SGCD: variants seen among roughly 807,000 people sequenced by gnomAD.
SGCD encodes delta-sarcoglycan.
SGCD carries 18 observed loss-of-function variants against 36.6 expected under a neutral mutation model. The ratio of observed to expected loss-of-function variants is 0.49; its 90% CI spans 0.34 to 0.73. The LOEUF is 0.73. SGCD is among the 30% of genes least tolerant of loss of function. SGCD has a pLI of 0.01. For missense variants in SGCD, 387 were observed against 346.7 expected, an observed-to-expected ratio of 1.12 and a Z score of -0.92; for synonymous variants, 133 against 130.6, an observed-to-expected ratio of 1.02 and a Z score of -0.12.
rs533408287 is a variant in SGCD, at chr5:156,130,564, A to G, written c.-44+6545A>G. ...TGTCTTTGTCATGAAATCTTTGCCC[A>G]TTCCTATGTCCAGAATGGTATTGCC... is the stretch of plus-strand genomic sequence containing the variant. On this transcript the variant is annotated intron_variant, in intron 3 of 9. Coordinates refer to the SGCD transcript ENST00000517913. 4.6e-5 allele frequency among the ~76,000 whole-genome samples: 7 copies of G among 152,242 alleles called. No homozygotes were observed. In the East Asian group the frequency reaches 1.4e-3, roughly 29 times the overall value.
chr5:155,766,692 A>G, the SGCD span, among the ~76,000 whole-genome samples: 31 of 152,302 alleles, frequency 2.0e-4, no homozygotes, highest in Admixed American at 2.0e-3. Flanking sequence ...GAAGATGGCA[A>G]TTGAAGCATT....
chr5:156,230,547 G>C (rs1241302683), intron 3 of SGCD, among the ~76,000 whole-genome samples: 1 of 152,174 alleles, frequency 6.6e-6, no homozygotes, highest in Non-Finnish European at 1.5e-5. Flanking sequence ...TCTCTCAGCT[G>C]TGGATACCAG....
At chr5:156,504,198 G>GC (rs984095211) in intron 3 of SGCD, among the ~76,000 whole-genome samples, 1 of 146,610 alleles carries the variant, frequency 6.8e-6, no homozygotes, top group African/African-American at 2.5e-5. Context: ...GAGCAAAAAA[G>GC]CTCTGTCTCA....
At chr5:156,423,344 ATT>A (rs1198886563) in intron 3 of SGCD, among the ~76,000 whole-genome samples, 2 of 53,554 alleles carry the variant, frequency 3.7e-5, no homozygotes, top group Non-Finnish European at 6.7e-5. Context: ...AATATAATAT[ATT>A]ATAATTTTAT....
At position 156,051,496 on chromosome 5, in the gene SGCD, T is replaced by C. The variant is rs562303581; in HGVS notation, c.-281-66382T>C. Among the ~76,000 whole-genome samples the C allele has an allele frequency of 5.5e-5, 8 of 146,360 alleles. No homozygotes were observed. In the South Asian group the frequency reaches 1.3e-3, roughly 24 times the overall value. On this transcript the variant is annotated intron_variant, in intron 1 of 9. Transcript: ENST00000517913. ...ATATAATATACCCAGTGTTCCAACTTTGAATGCTTCCAAATCTTTATGCAA... is the reference window on the plus strand; with the variant it reads ...ATATAATATACCCAGTGTTCCAACTCTGAATGCTTCCAAATCTTTATGCAA...
chr5:155,895,658 A>G (rs954059671), intron 1 of SGCD, among the ~76,000 whole-genome samples: 1 of 150,856 alleles, frequency 6.6e-6, no homozygotes, highest in Non-Finnish European at 1.5e-5. Flanking sequence ...TTTGAAGTAT[A>G]ATGACTGTAT....
At chr5:156,252,413 G>T (rs1418530029) in intron 3 of SGCD, among the ~76,000 whole-genome samples, 1 of 152,126 alleles carries the variant, frequency 6.6e-6, no homozygotes, top group Admixed American at 6.5e-5. Context: ...TGAATATGTG[G>T]AATGGAAGTA....
At chr5:155,730,103 C>T in the SGCD span, among the ~76,000 whole-genome samples, 3 of 152,048 alleles carry the variant, frequency 2.0e-5, no homozygotes, top group Admixed American at 2.0e-4. Context: ...GGAGACAAGT[C>T]GAGTTTAAGA....
chr5:155,908,172 T>G (rs1756561724), intron 1 of SGCD, among the ~76,000 whole-genome samples: 1 of 152,144 alleles, frequency 6.6e-6, no homozygotes, highest in Non-Finnish European at 1.5e-5. Flanking sequence ...ATGTCCTTAG[T>G]AGACAACAGA....
chr5:156,335,539 G>A (rs1353125286), intron 2 of SGCD, among the ~76,000 whole-genome samples: 7 of 152,102 alleles, frequency 4.6e-5, no homozygotes, highest in Non-Finnish European at 1.5e-5. Context: ...TGCCATCATA[G>A]TGTTCTTGTT....
intron 4 of SGCD, among the ~76,000 whole-genome samples, chr5:156,576,374 G>A (rs937816372): frequency 6.6e-5 from 10 of 152,174 alleles, no homozygotes; most frequent in East Asian, 5.8e-4. Flanking sequence ...GAATAGTGCC[G>A]CAATAAACAT....
At chr5:156,607,550 G>T (rs1761531156) in intron 6 of SGCD, among the ~76,000 whole-genome samples, 1 of 152,238 alleles carries the variant, frequency 6.6e-6, no homozygotes, top group Non-Finnish European at 1.5e-5. Context: ...TCAGGATGAT[G>T]CTGGACTCAT....
intron 3 of SGCD, among the ~76,000 whole-genome samples, chr5:156,345,393 A>G (rs1768893137): frequency 3.3e-5 from 5 of 152,366 alleles, no homozygotes; most frequent in Middle Eastern, 3.4e-3. Context: ...GAGGTTTTAT[A>G]CCTAGAAATT....
chr5:155,855,054 G>A, the SGCD span, among the ~76,000 whole-genome samples: 5 of 152,030 alleles, frequency 3.3e-5, no homozygotes, highest in South Asian at 2.1e-4. Context: ...CACCACTTTC[G>A]GTTCTTCTCT....
In SGCD at chr5:156,181,212, C is replaced by T. The variant is rs1487957480; in HGVS notation, c.-44+57193C>T. Among the ~76,000 whole-genome samples, 3 of 151,942 alleles carry T rather than the reference C, an allele frequency of 2.0e-5. No homozygotes were observed. In the East Asian group the frequency reaches 5.8e-4, roughly 29 times the overall value. ...TTTTGGAGAATTGTTTTCTGCACCCCAAAAATAGCATCAGAAAACATCTAA... is the reference window on the plus strand; with the variant it reads ...TTTTGGAGAATTGTTTTCTGCACCCTAAAAATAGCATCAGAAAACATCTAA... On this transcript the variant is annotated intron_variant, in intron 3 of 9. Transcript: ENST00000517913.
intron 3 of SGCD, among the ~76,000 whole-genome samples, chr5:156,218,543 C>A (rs1764635168): frequency 6.6e-6 from 1 of 152,302 alleles, no homozygotes; most frequent in Middle Eastern, 3.4e-3. Flanking sequence ...CTTCAGTTAC[C>A]TAACCTGGAA....
intron 1 of SGCD, among the ~76,000 whole-genome samples, chr5:156,040,829 A>G (rs1759615585): frequency 1.3e-5 from 2 of 152,038 alleles, no homozygotes; most frequent in South Asian, 4.2e-4. Context: ...AAAATCCTCT[A>G]CTGAATCTAG....
At chr5:156,257,031 T>A (rs970756076) in intron 3 of SGCD, among the ~76,000 whole-genome samples, 1 of 151,988 alleles carries the variant, frequency 6.6e-6, no homozygotes, top group Non-Finnish European at 1.5e-5. Context: ...AATTTAAAAA[T>A]TAGCCAGGCA....
At chr5:156,032,413 T>C (rs1759369016) in intron 1 of SGCD, among the ~76,000 whole-genome samples, 1 of 151,826 alleles carries the variant, frequency 6.6e-6, no homozygotes, top group Non-Finnish European at 1.5e-5. Context: ...ACATTGTCAA[T>C]TGAAGGGTAA....
Sources: allele counts gnomAD v4.1 joint callset (sites outside exome capture counted in the v4.1 genomes callset), GRCh38; gene constraint gnomAD v4.1.1; transcripts MANE v1.5; gene names NCBI Gene and HGNC (gene_info 2026-07-23, HGNC 2026-07-21).